RANBP2: variants seen among roughly 807,000 people sequenced by gnomAD.
RANBP2 encodes the protein E3 SUMO-protein ligase RanBP2.
RANBP2 carries 57 observed loss-of-function variants against 303.6 expected under a neutral mutation model. The observed-to-expected ratio is 0.19, with a 90% CI of 0.15 to 0.23. The LOEUF (loss-of-function observed/expected upper bound fraction) is 0.23, where lower values mean the gene tolerates loss of function less well. Among genes scored for constraint, RANBP2 ranks in the 10% least tolerant of loss-of-function variants. The pLI is 1.00. For missense variants in RANBP2, 3,138 were observed against 3,780.8 expected (o/e 0.83, Z 4.46); for synonymous variants, 1,167 against 1,301.5 (o/e 0.90, Z 2.23).
chr2:109,506,288 G>A, the RANBP2 span, among the ~76,000 whole-genome samples: 8 of 152,326 alleles, frequency 5.3e-5, no homozygotes, highest in East Asian at 1.9e-4. Context: ...GCGGAGGGGC[G>A]TTGAGTCTTC....
the RANBP2 span, among the ~76,000 whole-genome samples, chr2:109,727,821 A>G: frequency 6.6e-6 from 1 of 152,192 alleles, no homozygotes; most frequent in East Asian, 1.9e-4. Flanking sequence ...ACCTCTTAAA[A>G]ATACCTACAG....
chr2:108,773,536 T>G (rs1244870098), intron 23 of RANBP2, among the ~76,000 whole-genome samples: 1 of 152,092 alleles, frequency 6.6e-6, no homozygotes, highest in East Asian at 1.9e-4. Context: ...TCTAAATTAA[T>G]GGAAAGGTAT....
the RANBP2 span, among the ~76,000 whole-genome samples, chr2:109,589,166 G>A: frequency 6.6e-6 from 1 of 151,796 alleles, no homozygotes; most frequent in African/African-American, 2.4e-5. Context: ...TTTTTGAGAT[G>A]GAGTCTCACT....
In RANBP2 at chr2:108,765,324, A is replaced by G. The variant is rs532668209; in HGVS notation, c.4785A>G (p.Pro1595=). Residue 1595 remains proline (P), a synonymous_variant, in exon 20 of 29, where the codon CCA becomes CCG. Transcript: ENST00000283195. ...GTACTTCAGAGACAAGCAAGGCTCC[A>G]AAGAGCGGATTTGAGGGAATGTTCA... The part of the protein sequence containing the change: ...KFGTSETSKA[P]KSGFEGMFTK... 3.7e-6 allele frequency: 6 copies of G among 1,613,988 alleles called. No individual in the cohort carries two copies. The East Asian group carries it at 8.9e-5, about 24-fold the overall frequency.
chr2:108,846,161 A>G, the RANBP2 span, among the ~76,000 whole-genome samples: 3 of 152,170 alleles, frequency 2.0e-5, no homozygotes, highest in South Asian at 2.1e-4. Context: ...TGGTGGAGCA[A>G]TCAGCAACTG....
At chr2:109,164,010 G>A in the RANBP2 span, among the ~76,000 whole-genome samples, 1 of 151,950 alleles carries the variant, frequency 6.6e-6, no homozygotes, top group Non-Finnish European at 1.5e-5. Flanking sequence ...GCTTTAGTTT[G>A]TTTGTTACAA....
At chr2:109,264,238 C>T in the RANBP2 span, among the ~76,000 whole-genome samples, 2 of 148,788 alleles carry the variant, frequency 1.3e-5, no homozygotes, top group Non-Finnish European at 3.0e-5. Flanking sequence ...TGTGGGTGCT[C>T]CCTGTCCACC....
chr2:109,493,802 A>G, the RANBP2 span, among the ~76,000 whole-genome samples: 1 of 152,118 alleles, frequency 6.6e-6, no homozygotes, highest in Non-Finnish European at 1.5e-5. Context: ...CACATAACAC[A>G]CAGATACACA....
chr2:109,520,654 G>A, the RANBP2 span, among the ~76,000 whole-genome samples: 4 of 89,024 alleles, frequency 4.5e-5, no homozygotes, highest in African/African-American at 1.9e-4. Context: ...GTTGAGGCCA[G>A]GCACAGCGGC....
the RANBP2 span, chr2:108,812,766 G>A: frequency 6.2e-7 from 1 of 1,611,284 alleles, no homozygotes; most frequent in Middle Eastern, 1.7e-4. Flanking sequence ...TTACCTTTGA[G>A]TTTACTCATT....
chr2:108,729,032 C>A (rs931816026), intron 1 of RANBP2, 100 bp from the exon 2 acceptor site: 113 of 1,343,942 alleles, frequency 8.4e-5, no homozygotes, highest in Non-Finnish European at 1.0e-4. Context: ...ATGAAAGTGG[C>A]GTATTTGAAC....
chr2:109,555,042 T>C, the RANBP2 span, among the ~76,000 whole-genome samples: 2 of 152,306 alleles, frequency 1.3e-5, no homozygotes, highest in East Asian at 3.9e-4. Context: ...TCTTTGTGAT[T>C]TTCTGCCTTC....
At chr2:109,666,264 C>T in the RANBP2 span, among the ~76,000 whole-genome samples, 1 of 152,010 alleles carries the variant, frequency 6.6e-6, no homozygotes, top group Admixed American at 6.6e-5. Context: ...TGTATTAAAA[C>T]ATACTTAGGA....
At chr2:109,007,922 C>T in the RANBP2 span, among the ~76,000 whole-genome samples, 1 of 152,190 alleles carries the variant, frequency 6.6e-6, no homozygotes, top group Non-Finnish European at 1.5e-5. Flanking sequence ...GGGAGAACCA[C>T]GTTGGGGCCA....
chr2:109,668,343 G>A, the RANBP2 span, among the ~76,000 whole-genome samples: 4 of 9,378 alleles, frequency 4.3e-4, no homozygotes, highest in Non-Finnish European at 2.7e-3. Context: ...TTCATTAGGG[G>A]TGAATGTTAG....
the RANBP2 span, among the ~76,000 whole-genome samples, chr2:109,529,214 A>G: frequency 0.065 from 9,815 of 152,128 alleles, 748 homozygotes; most frequent in East Asian, 0.24. Context: ...GGCCTGGCAC[A>G]TGGGGTGCCC....
chr2:108,849,395 T>A, the RANBP2 span, among the ~76,000 whole-genome samples: 1 of 152,172 alleles, frequency 6.6e-6, no homozygotes, highest in Non-Finnish European at 1.5e-5. Context: ...TATTCCCTTT[T>A]CCTTAGCCTC....
the RANBP2 span, chr2:109,614,569 G>A: frequency 2.2e-6 from 3 of 1,372,836 alleles, no homozygotes; most frequent in Middle Eastern, 2.7e-4. Context: ...GAGCGCGGGG[G>A]CCGGGCCCTG....
the RANBP2 span, among the ~76,000 whole-genome samples, chr2:109,688,783 A>T: frequency 4.0e-4 from 55 of 138,198 alleles, 1 homozygote; most frequent in African/African-American, 1.4e-3. Context: ...TGTCTCAATA[A>T]AAAAAAAAAA....
Sources: allele counts gnomAD v4.1 joint callset (sites outside exome capture counted in the v4.1 genomes callset), GRCh38; gene constraint gnomAD v4.1.1; transcripts MANE v1.5; gene names NCBI Gene and HGNC (gene_info 2026-07-23, HGNC 2026-07-21).